PCDH15: variants seen among roughly 807,000 people sequenced by gnomAD.
PCDH15 encodes protocadherin-15.
A neutral mutation model predicts 178.5 loss-of-function variants in PCDH15; 129 were observed. That is an observed-to-expected ratio of 0.72 (90% CI 0.63 to 0.84). The LOEUF (loss-of-function observed/expected upper bound fraction) is 0.84. Among genes scored for constraint, PCDH15 ranks in the 40% least tolerant of loss-of-function variants. PCDH15 has a pLI of 0.00. For synonymous variants in PCDH15, 800 were observed against 732.0 expected (o/e 1.09, Z -1.50); for missense variants, 2,230 against 2,099.9 (o/e 1.06, Z -1.21).
intron 2 of PCDH15, among the ~76,000 whole-genome samples, chr10:55,420,504 G>T (rs760812104): frequency 1.3e-5 from 2 of 151,182 alleles, no homozygotes; most frequent in Non-Finnish European, 3.0e-5. Context: ...ACATATAGTT[G>T]CCTTGTCTGC....
chr10:55,470,687 A>C (rs563494198), intron 2 of PCDH15, among the ~76,000 whole-genome samples: 1 of 152,148 alleles, frequency 6.6e-6, no homozygotes. Context: ...CACGGTTTAC[A>C]TTAGAGTTGA....
At chr10:54,271,053 AT>A (rs2058018129) in intron 8 of PCDH15, among the ~76,000 whole-genome samples, 1 of 152,150 alleles carries the variant, frequency 6.6e-6, no homozygotes, top group Admixed American at 6.6e-5. Flanking sequence ...AAATCACTAA[AT>A]TTTTCCAGAA....
intron 2 of PCDH15, among the ~76,000 whole-genome samples, chr10:55,062,022 A>G (rs576651363): frequency 4.6e-5 from 7 of 152,348 alleles, no homozygotes; most frequent in Non-Finnish European, 8.8e-5. Flanking sequence ...CATTCTCAAA[A>G]AAGTAAATAA....
Position 54,317,137 on chromosome 10 carries a change from C to T in PCDH15, c.876+134G>A, listed in dbSNP as rs11004226. 12,621 of 892,820 alleles carry T rather than the reference C, an allele frequency of 0.014. 779 individuals are homozygous for T. In the African/African-American group the frequency reaches 0.16, roughly 11 times the overall value. 55.3% of individuals were successfully genotyped at this position (892,820 alleles called of 1,614,324 possible). ...TATTCATACTCCCTGAAAATAGTTT[C>T]GGACATAAATATTTTTCAATGTGCA... On this transcript the variant is annotated intron_variant, in intron 8 of 37. Transcript: ENST00000644397.
rs1021783271 is a variant in PCDH15 at position 54,173,913 on chromosome 10, G to A, written c.1590+9531C>T. Among the ~76,000 whole-genome samples the A allele has an allele frequency of 7.2e-5, 11 of 152,042 alleles. No homozygotes were observed. The South Asian group carries it at 8.3e-4, about 11-fold the overall frequency. Reference sequence around the variant, plus strand: ...TCATGGAAGTCTTCTTTGAGGAAGCGGCATTTAAATTAAGACCTAAAAGAC... The same window carrying A: ...TCATGGAAGTCTTCTTTGAGGAAGCAGCATTTAAATTAAGACCTAAAAGAC... On this transcript the variant is annotated intron_variant, in intron 13 of 37. Coordinates refer to ENST00000644397, the MANE Select transcript of PCDH15 (RefSeq NM_001384140.1).
chr10:55,199,974 G>T (rs533153075), intron 1 of PCDH15, among the ~76,000 whole-genome samples: 6 of 152,154 alleles, frequency 3.9e-5, no homozygotes, highest in Non-Finnish European at 2.9e-5. Flanking sequence ...CATTGCAGGG[G>T]TGGAGCCTTC....
chr10:54,633,759 A>G (rs1332127305), intron 2 of PCDH15, among the ~76,000 whole-genome samples: 1 of 152,134 alleles, frequency 6.6e-6, no homozygotes. Flanking sequence ...CTACCTGTAA[A>G]TCAATTACGC....
intron 3 of PCDH15, among the ~76,000 whole-genome samples, chr10:54,502,177 C>T (rs984045887): frequency 1.3e-5 from 2 of 152,086 alleles, no homozygotes; most frequent in Admixed American, 6.6e-5. Context: ...AGCAAGATAA[C>T]ATTTCCTCAC....
chr10:55,376,587 G>A (rs1357110842), intron 2 of PCDH15, among the ~76,000 whole-genome samples: 1 of 151,930 alleles, frequency 6.6e-6, no homozygotes, highest in African/African-American at 2.4e-5. Context: ...TGAAGAAGAA[G>A]GTATGTAATA....
At chr10:54,632,156 T>C (rs1437308697) in intron 2 of PCDH15, among the ~76,000 whole-genome samples, 1 of 151,952 alleles carries the variant, frequency 6.6e-6, no homozygotes, top group Non-Finnish European at 1.5e-5. Flanking sequence ...TGGAGACCAT[T>C]ATCCTAAGAA....
chr10:53,949,465 C>CTAT (rs2086835120), intron 23 of PCDH15, among the ~76,000 whole-genome samples: 1 of 152,178 alleles, frequency 6.6e-6, no homozygotes, highest in Non-Finnish European at 1.5e-5. Context: ...TCTTTCCAAA[C>CTAT]TATTGTTCAT....
rs552492776 is a variant in PCDH15 at position 54,387,063 on chromosome 10, T to A, written c.158-8121A>T. The stretch of plus-strand genomic sequence containing the variant: ...TTGGCTTGATTTAACCATTCTACAA[T>A]GCATACACATATCAAATATCATGTT... On this transcript the variant is annotated intron_variant, in intron 3 of 37. Transcript: ENST00000644397. 2.5e-5 allele frequency among the ~76,000 whole-genome samples: 3 copies of A among 119,796 alleles called. No homozygotes were observed. In the East Asian group the frequency reaches 8.1e-4, roughly 32 times the overall value. 78.6% of individuals were successfully genotyped at this position (119,796 alleles called of 152,430 possible).
chr10:53,841,724 G>A (rs1025653683), intron 28 of PCDH15, among the ~76,000 whole-genome samples: 5 of 152,012 alleles, frequency 3.3e-5, no homozygotes, highest in African/African-American at 1.2e-4. Context: ...CTGGTCTCTC[G>A]GCTTCGCAAT....
At chr10:54,954,700 CAATTTTT>C (rs1838436863) in intron 2 of PCDH15, among the ~76,000 whole-genome samples, 1 of 151,088 alleles carries the variant, frequency 6.6e-6, no homozygotes, top group Non-Finnish European at 1.5e-5. Flanking sequence ...ATACTTACAC[CAATTTTT>C]AGCTCTGGTA....
chr10:55,520,626 A>G (rs1439676801), intron 2 of PCDH15, among the ~76,000 whole-genome samples: 1 of 151,130 alleles, frequency 6.6e-6, no homozygotes, highest in East Asian at 2.0e-4. Context: ...ATCCACTAAA[A>G]GAATTCTCCA....
chr10:55,077,159 C>G (rs1053691984), intron 2 of PCDH15, among the ~76,000 whole-genome samples: 1 of 150,898 alleles, frequency 6.6e-6, no homozygotes, highest in Admixed American at 6.6e-5. Context: ...TACTTTCAGT[C>G]TATATGTATC....
At chr10:54,941,949 A>G (rs1838074156) in intron 2 of PCDH15, among the ~76,000 whole-genome samples, 1 of 152,010 alleles carries the variant, frequency 6.6e-6, no homozygotes, top group Non-Finnish European at 1.5e-5. Context: ...TTTCTCTGGT[A>G]AGCTATCTGA....
chr10:53,901,494 C>T (rs1169469891), intron 26 of PCDH15, among the ~76,000 whole-genome samples: 2 of 152,118 alleles, frequency 1.3e-5, no homozygotes, highest in Non-Finnish European at 2.9e-5. Flanking sequence ...TTCCTGGACT[C>T]GTCATGCATT....
chr10:54,437,641 G>T (rs1288373576), intron 3 of PCDH15, among the ~76,000 whole-genome samples: 1 of 152,074 alleles, frequency 6.6e-6, no homozygotes, highest in Non-Finnish European at 1.5e-5. Context: ...CTATTGTCCA[G>T]TTAGGCCTGA....
Sources: allele counts gnomAD v4.1 joint callset (sites outside exome capture counted in the v4.1 genomes callset), GRCh38; gene constraint gnomAD v4.1.1; transcripts MANE v1.5; gene names NCBI Gene and HGNC (gene_info 2026-07-23, HGNC 2026-07-21).